Variants in CCDC117 observed in about 807,000 individuals in gnomAD.
CCDC117 encodes coiled-coil domain-containing protein 117.
A neutral mutation model predicts 23.5 loss-of-function variants in CCDC117; 1 was observed. That is an observed-to-expected ratio of 0.04 (90% CI 0.02 to 0.20). The LOEUF is 0.20. Among genes scored for constraint, CCDC117 ranks in the 10% least tolerant of loss-of-function variants. The pLI is 1.00. For synonymous variants in CCDC117, 132 were observed against 124.8 expected, an observed-to-expected ratio of 1.06 and a Z score of -0.39; for missense variants, 383 against 348.2, an observed-to-expected ratio of 1.10 and a Z score of -0.80.
chr22:28,773,173 C>T, intron 1 of CCDC117, 139 bp downstream of exon 1: 1 of 222,536 alleles, frequency 4.5e-6, no homozygotes, highest in Non-Finnish European at 7.7e-6. Flanking sequence ...TCCGCGGGAG[C>T]TTCGCAGCCC....
intron 3 of CCDC117, among the ~76,000 whole-genome samples, chr22:28,782,126 C>G (rs1433507973): frequency 6.6e-6 from 1 of 150,654 alleles, no homozygotes; most frequent in Non-Finnish European, 1.5e-5. Context: ...TTTGTAGAGA[C>G]GGGATTTCGC....
intron 2 of CCDC117, 52 bp from the exon 3 acceptor site, chr22:28,780,896 A>G (rs944776451): frequency 2.2e-6 from 3 of 1,333,936 alleles, no homozygotes; most frequent in Non-Finnish European, 3.1e-6. Context: ...AATGATAAAC[A>G]TTTCATTTAT....
At chr22:28,773,094 C>T (rs1363700109) in intron 1 of CCDC117, 60 bp downstream of exon 1, 9 of 907,806 alleles carry the variant, frequency 9.9e-6, no homozygotes, top group South Asian at 4.9e-5. Context: ...GGCTGGGCGC[C>T]CCTCGCGGCG....
rs761760293 is a variant in CCDC117 at position 28,780,987 on chromosome 22, C to G, written c.279C>G (p.Leu93=). Residue 93 remains leucine (L), a synonymous_variant, in exon 3 of 5, where the codon CTC becomes CTG. Coordinates refer to ENST00000249064, the MANE Select transcript of CCDC117 (RefSeq NM_173510.4). The part of the protein sequence containing the change: ...VRKKRITEAE[L]CAGPNDWILC... ...AGAAAAGGATAACTGAAGCAGAGCT[C>G]TGTGCTGGTCCTAATGACTGGATTC... is the stretch of plus-strand genomic sequence containing the variant. 1 of 1,613,876 alleles carries G rather than the reference C, an allele frequency of 6.2e-7. No homozygotes were observed. Among genetic ancestry groups the G allele is most frequent in the Non-Finnish European group, 8.5e-7 (1 of 1,179,998 alleles).
intron 4 of CCDC117, among the ~76,000 whole-genome samples, chr22:28,785,815 G>A (rs927501106): frequency 2.6e-5 from 4 of 151,786 alleles, no homozygotes; most frequent in African/African-American, 9.7e-5. Flanking sequence ...CCTAATTACT[G>A]GGAAGGCTGA....
intron 2 of CCDC117, among the ~76,000 whole-genome samples, chr22:28,780,451 G>A (rs2146250400): frequency 6.6e-6 from 1 of 152,254 alleles, no homozygotes; most frequent in East Asian, 1.9e-4. Flanking sequence ...TAAATATGAT[G>A]CTGAATTGCT....
chr22:28,778,815 A>G (rs548211073), intron 2 of CCDC117, among the ~76,000 whole-genome samples: 1 of 152,206 alleles, frequency 6.6e-6, no homozygotes. Flanking sequence ...GCGTGCTATC[A>G]TATTATCTTT....
chr22:28,780,820 A>T, intron 2 of CCDC117, 128 bp from the exon 3 acceptor site: 1 of 650,954 alleles, frequency 1.5e-6, no homozygotes, highest in East Asian at 2.7e-5. Flanking sequence ...AGTATTTTCC[A>T]TCTTGTTACT....
chr22:28,772,980 G>T lies in CCDC117; in HGVS notation c.131G>T (p.Arg44Leu). 4 of 1,202,914 alleles carry T rather than the reference G, an allele frequency of 3.3e-6. No homozygotes were observed. The highest frequency in any genetic ancestry group is 4.1e-6 in the Non-Finnish European group (4 of 969,092). 74.5% of individuals were successfully genotyped at this position (1,202,914 alleles called of 1,614,324 possible). ...PGADGAELAPRPGPRAVPSSP... is the reference protein window; with the variant it reads ...PGADGAELAPLPGPRAVPSSP... ...GCTGACGGCGCCGAGTTGGCCCCGCGGCCGGGACCTCGCGCAGTCCCTAGC... is the reference window on the plus strand; with the variant it reads ...GCTGACGGCGCCGAGTTGGCCCCGCTGCCGGGACCTCGCGCAGTCCCTAGC... The change falls in exon 1 of 5, where the codon CGG becomes CTG. Residue 44 changes from arginine (R) to leucine (L), a missense_variant. Arg to Leu is a moderately radical substitution (Grantham distance 102). Coordinates refer to ENST00000249064, the MANE Select transcript of CCDC117 (RefSeq NM_173510.4).
chr22:28,773,639 C>G, intron 1 of CCDC117, 86 bp from the exon 2 acceptor site: 1 of 1,110,578 alleles, frequency 9.0e-7, no homozygotes, highest in East Asian at 2.5e-5. Flanking sequence ...TGGGGATGAG[C>G]AAGATTATTG....
At chr22:28,783,312 A>AT (rs1247179308) in intron 3 of CCDC117, among the ~76,000 whole-genome samples, 196 bp from the exon 4 acceptor site, 2 of 152,118 alleles carry the variant, frequency 1.3e-5, no homozygotes, top group African/African-American at 4.8e-5. Flanking sequence ...AAGTGCTGGG[A>AT]TTACAGGTGT....
At chr22:28,774,325 C>G (rs1438421631) in intron 2 of CCDC117, among the ~76,000 whole-genome samples, 1 of 151,482 alleles carries the variant, frequency 6.6e-6, no homozygotes, top group African/African-American at 2.4e-5. Context: ...CCTCAGCCTC[C>G]CAAAGTGCTG....
At chr22:28,775,974 T>C (rs1225297808) in intron 2 of CCDC117, among the ~76,000 whole-genome samples, 1 of 152,160 alleles carries the variant, frequency 6.6e-6, no homozygotes, top group Non-Finnish European at 1.5e-5. Flanking sequence ...CTCATTAGTC[T>C]TTAGGGAAAT....
At position 28,772,761 on chromosome 22, in the gene CCDC117, G is replaced by T. The variant is rs1318660857; in HGVS notation, c.-89G>T. The T allele has an allele frequency of 1.9e-6, 2 of 1,053,402 alleles. No individual in the cohort carries two copies. The highest frequency in any genetic ancestry group is 7.0e-5 in the East Asian group (2 of 28,564). The allele number at this position is 1,053,402 out of a possible 1,614,324, so 65.3% of individuals were successfully genotyped here. A position where few individuals can be genotyped will look rare whatever the true frequency, so the allele number is the denominator to read the frequency against. On this transcript the variant is annotated 5_prime_UTR_variant, in exon 1 of 5. Coordinates refer to ENST00000249064, the MANE Select transcript of CCDC117 (RefSeq NM_173510.4). ...GTCGAGAGCGGGATCCGAGGCTGGCGGGTTTTGGCAGTAGCTGTGGCTGCG... is the reference window on the plus strand; with the variant it reads ...GTCGAGAGCGGGATCCGAGGCTGGCTGGTTTTGGCAGTAGCTGTGGCTGCG...
At position 28,789,161 on chromosome 22, in the gene CCDC117, C is replaced by T. The variant is rs140395169; in HGVS notation, c.*2835C>T. On this transcript the variant is annotated 3_prime_UTR_variant, in exon 5 of 5. Coordinates refer to ENST00000249064, the MANE Select transcript of CCDC117 (RefSeq NM_173510.4). Reference sequence around the variant, plus strand: ...TTATTATTTTGGATTTGGAACTTGGCTTTGTTTTTCAATAGTGACAAGAAT... The same window carrying T: ...TTATTATTTTGGATTTGGAACTTGGTTTTGTTTTTCAATAGTGACAAGAAT... The T allele has an allele frequency of 6.6e-6, 1 of 152,136 alleles. No homozygotes were observed. Among genetic ancestry groups the T allele is most frequent in the African/African-American group, 2.4e-5 (1 of 41,492 alleles). The allele number at this position is 152,136 out of a possible 1,614,324, so 9.4% of individuals were successfully genotyped here. A position where few individuals can be genotyped will look rare whatever the true frequency, so the allele number is the denominator to read the frequency against.
At chr22:28,774,763 A>G (rs1569196705) in intron 2 of CCDC117, among the ~76,000 whole-genome samples, 2 of 151,814 alleles carry the variant, frequency 1.3e-5, no homozygotes, top group South Asian at 2.1e-4. Flanking sequence ...AAAATTTACC[A>G]AGTTCACAAG....
Position 28,786,191 on chromosome 22 carries a change from C to G in CCDC117, c.705C>G (p.Ser235Arg). 2 of 1,614,072 alleles carry G rather than the reference C, an allele frequency of 1.2e-6. No individual in the cohort carries two copies. Among genetic ancestry groups the G allele is most frequent in the Non-Finnish European group, 8.5e-7 (1 of 1,179,958 alleles). The stretch of plus-strand genomic sequence containing the variant: ...ATACTAAGAACTATACAGGAGAGAG[C>G]CAAGCTAAGCATGTAGCTGCTGGCA... ...SSNTKNYTGE[S>R]QAKHVAAGTA... The change falls in exon 5 of 5, where the codon AGC becomes AGG. Residue 235 changes from serine to arginine, a missense_variant. Ser to Arg is a moderately radical substitution (Grantham distance 110). Coordinates refer to ENST00000249064, the MANE Select transcript of CCDC117 (RefSeq NM_173510.4).
chr22:28,783,108 C>G (rs2031401557), intron 3 of CCDC117, among the ~76,000 whole-genome samples: 1 of 152,236 alleles, frequency 6.6e-6, no homozygotes, highest in Non-Finnish European at 1.5e-5. Flanking sequence ...ATGGCACGAT[C>G]TTGGTTCACT....
chr22:28,784,946 T>G (rs114950881), intron 4 of CCDC117, among the ~76,000 whole-genome samples: 3,465 of 151,756 alleles, frequency 0.023, 78 homozygotes, highest in African/African-American at 0.053. Context: ...GTTTTTTGTA[T>G]TTTTAGTAGA....
Sources: gnomAD v4.1 joint callset for allele counts (sites outside exome capture counted in the v4.1 genomes callset) on GRCh38, gnomAD v4.1.1 for gene constraint, MANE v1.5 for transcripts, NCBI Gene and HGNC (gene_info 2026-07-23, HGNC 2026-07-21) for gene names.